NSMCE2: variants seen among roughly 807,000 people sequenced by gnomAD.
The protein encoded by NSMCE2 is E3 SUMO-protein ligase NSE2.
In NSMCE2, 24 loss-of-function variants were observed where a neutral mutation model predicts 23.8. The ratio of observed to expected loss-of-function variants is 1.01; its 90% confidence interval spans 0.73 to 1.42. NSMCE2 has a LOEUF of 1.42. Ranked by LOEUF, NSMCE2 falls within the 40% of genes most tolerant of loss-of-function variation. NSMCE2 has a pLI of 0.00. For missense variants in NSMCE2, 284 were observed against 296.5 expected, an observed-to-expected ratio of 0.96 and a Z score of 0.31; for synonymous variants, 92 against 94.1, an observed-to-expected ratio of 0.98 and a Z score of 0.13.
At chr8:125,199,223 T>G (rs1823759418) in intron 5 of NSMCE2, among the ~76,000 whole-genome samples, 1 of 152,194 alleles carries the variant, frequency 6.6e-6, no homozygotes. Context: ...TTCTGCTAAC[T>G]TTAGAATTTG....
intron 5 of NSMCE2, among the ~76,000 whole-genome samples, chr8:125,189,779 AG>A (rs1823262960): frequency 6.6e-6 from 1 of 152,256 alleles, no homozygotes; most frequent in Admixed American, 6.5e-5. Flanking sequence ...GCTCAACAAA[AG>A]TAAATACATA....
chr8:125,263,133 A>G (rs193016462), intron 5 of NSMCE2, among the ~76,000 whole-genome samples: 2 of 152,342 alleles, frequency 1.3e-5, no homozygotes, highest in Admixed American at 1.3e-4. Context: ...ATCAGCAAGT[A>G]ATGATTAAGT....
intron 5 of NSMCE2, among the ~76,000 whole-genome samples, chr8:125,277,672 A>G (rs914725154): frequency 2.0e-5 from 3 of 152,060 alleles, no homozygotes; most frequent in Non-Finnish European, 4.4e-5. Flanking sequence ...ACACCTGGCT[A>G]ATTTTTGGTA....
At chr8:125,195,953 C>G (rs1823594441) in intron 5 of NSMCE2, among the ~76,000 whole-genome samples, 1 of 117,802 alleles carries the variant, frequency 8.5e-6, no homozygotes, top group Admixed American at 1.2e-4. Flanking sequence ...GTGGTGTGAT[C>G]TCGGCTCACT....
rs570239659 is a variant in NSMCE2, at chr8:125,193,715, G to A, written c.418+11459G>A. Among the ~76,000 whole-genome samples the A allele has an allele frequency of 6.6e-5, 10 of 152,260 alleles. 1 individual carries two copies. The highest frequency in any genetic ancestry group is 4.1e-4 in the South Asian group (2 of 4,826). ...AGTGTTGTAAAACAAAACAAAAAGCGTATTTCTTCTTCTAAGATTTCAGAA... is the reference window on the plus strand; with the variant it reads ...AGTGTTGTAAAACAAAACAAAAAGCATATTTCTTCTTCTAAGATTTCAGAA... On this transcript the variant is annotated intron_variant, in intron 5 of 7. Coordinates refer to ENST00000287437, the MANE Select transcript of NSMCE2 (RefSeq NM_173685.4).
intron 3 of NSMCE2, among the ~76,000 whole-genome samples, chr8:125,138,022 G>C (rs1820159464): frequency 6.6e-6 from 1 of 152,168 alleles, no homozygotes; most frequent in Non-Finnish European, 1.5e-5. Flanking sequence ...GAAAATCAGG[G>C]AGACTAGCTG....
chr8:125,231,691 G>A (rs1243579390), intron 5 of NSMCE2, among the ~76,000 whole-genome samples: 1 of 152,094 alleles, frequency 6.6e-6, no homozygotes, highest in Non-Finnish European at 1.5e-5. Flanking sequence ...TAAACATACA[G>A]TTGTATATAC....
chr8:125,219,948 A>C (rs980782401), intron 5 of NSMCE2, among the ~76,000 whole-genome samples: 12 of 152,196 alleles, frequency 7.9e-5, no homozygotes, highest in Non-Finnish European at 1.3e-4. Flanking sequence ...GAGGCATACA[A>C]CGTAGCCTGC....
intron 5 of NSMCE2, among the ~76,000 whole-genome samples, chr8:125,353,941 T>G (rs960957174): frequency 5.4e-5 from 8 of 148,396 alleles, no homozygotes; most frequent in Admixed American, 6.8e-5. Flanking sequence ...CAATTTGTTG[T>G]TTTTTTTTGA....
At chr8:125,100,232 T>C (rs1217762295) in intron 1 of NSMCE2, among the ~76,000 whole-genome samples, 1 of 152,098 alleles carries the variant, frequency 6.6e-6, no homozygotes, top group African/African-American at 2.4e-5. Context: ...AAGTTTCTAG[T>C]GAGAGGAGTC....
intron 3 of NSMCE2, among the ~76,000 whole-genome samples, chr8:125,146,725 G>T (rs4871571): frequency 6.6e-6 from 1 of 151,778 alleles, no homozygotes; most frequent in Non-Finnish European, 1.5e-5. Context: ...GAAGGGGAAC[G>T]TCACACACTG....
intron 3 of NSMCE2, among the ~76,000 whole-genome samples, chr8:125,113,737 G>A (rs942862581): frequency 1.3e-5 from 2 of 152,106 alleles, no homozygotes; most frequent in African/African-American, 4.8e-5. Context: ...TCATCAGCAG[G>A]ATCCACCATG....
chr8:125,250,502 T>C lies in NSMCE2; in HGVS notation c.418+68246T>C, dbSNP rs543438473. Among the ~76,000 whole-genome samples, 164 of 152,312 alleles carry C rather than the reference T, an allele frequency of 1.1e-3. 1 individual carries two copies. The highest frequency in any genetic ancestry group is 3.8e-3 in the African/African-American group (160 of 41,574). ...ACTGTTTCCTTACTGTAAGTAAACA[T>C]TTATTAACTAAAAACAACCTGCTTT... is the stretch of plus-strand genomic sequence containing the variant. On this transcript the variant is annotated intron_variant, in intron 5 of 7. Transcript: ENST00000287437.
At chr8:125,178,670 A>G (rs1197894692) in intron 4 of NSMCE2, among the ~76,000 whole-genome samples, 1 of 152,240 alleles carries the variant, frequency 6.6e-6, no homozygotes, top group African/African-American at 2.4e-5. Context: ...GGAGATCGAG[A>G]CCATCCTGGC....
chr8:125,147,759 G>A (rs1282152420), intron 3 of NSMCE2, among the ~76,000 whole-genome samples: 12 of 152,166 alleles, frequency 7.9e-5, no homozygotes, highest in Non-Finnish European at 1.6e-4. Flanking sequence ...TTTTTAGTCA[G>A]TAACTCTGTG....
chr8:125,320,546 C>CA (rs1252702846), intron 5 of NSMCE2, among the ~76,000 whole-genome samples: 3 of 151,554 alleles, frequency 2.0e-5, no homozygotes, highest in African/African-American at 4.9e-5. Flanking sequence ...GCAGATTTCT[C>CA]AAAAAAATGT....
At chr8:125,144,184 C>T (rs1308367203) in intron 3 of NSMCE2, among the ~76,000 whole-genome samples, 2 of 152,180 alleles carry the variant, frequency 1.3e-5, no homozygotes, top group East Asian at 3.9e-4. Flanking sequence ...TCCCAAGCCT[C>T]AGGCCTGGGC....
At chr8:125,176,292 ACTT>A (rs1822488761) in intron 4 of NSMCE2, among the ~76,000 whole-genome samples, 1 of 152,098 alleles carries the variant, frequency 6.6e-6, no homozygotes, top group African/African-American at 2.4e-5. Context: ...CACACTTTTC[ACTT>A]CTTATTTAGT....
intron 4 of NSMCE2, among the ~76,000 whole-genome samples, chr8:125,181,352 T>C (rs1038474217): frequency 2.6e-5 from 4 of 151,746 alleles, no homozygotes; most frequent in Non-Finnish European, 5.9e-5. Flanking sequence ...GTGAAGGAGA[T>C]GAAGATGTAA....
Sources: allele counts gnomAD v4.1 joint callset (sites outside exome capture counted in the v4.1 genomes callset), GRCh38; gene constraint gnomAD v4.1.1; transcripts MANE v1.5; gene names NCBI Gene and HGNC (gene_info 2026-07-23, HGNC 2026-07-21).